Variants in SLIT3 observed in about 807,000 individuals in gnomAD.
SLIT3 encodes slit homolog 3 protein.
Under a neutral mutation model 184.0 loss-of-function variants are expected in SLIT3, and 68 were observed. The observed-to-expected ratio is 0.37, with a 90% confidence interval of 0.30 to 0.45. The LOEUF (loss-of-function observed/expected upper bound fraction) is 0.45. Among genes scored for constraint, SLIT3 ranks in the 20% least tolerant of loss-of-function variants. The pLI, the probability that SLIT3 is intolerant of heterozygous loss-of-function variation, is 1.00. For missense variants in SLIT3, 1,707 were observed against 2,026.0 expected, an observed-to-expected ratio of 0.84 and a Z score of 3.02; for synonymous variants, 831 against 828.6, an observed-to-expected ratio of 1.00 and a Z score of -0.05.
intron 5 of SLIT3, among the ~76,000 whole-genome samples, chr5:168,848,795 G>A (rs1018853366): frequency 2.0e-5 from 3 of 152,106 alleles, no homozygotes; most frequent in African/African-American, 4.8e-5. Context: ...CTCCGCAAAC[G>A]GCAGACTGGG....
chr5:169,121,521 A>G (rs986792004), intron 4 of SLIT3, among the ~76,000 whole-genome samples: 5 of 152,200 alleles, frequency 3.3e-5, no homozygotes, highest in African/African-American at 1.2e-4. Flanking sequence ...GAAGGGTTTC[A>G]CTTCCATAGT....
At chr5:169,087,218 AG>A (rs543334589) in intron 4 of SLIT3, among the ~76,000 whole-genome samples, 322 of 152,318 alleles carry the variant, frequency 2.1e-3, no homozygotes, top group Admixed American at 3.9e-3. Context: ...GGCATCCTGC[AG>A]GGGGTGGCTG....
intron 4 of SLIT3, among the ~76,000 whole-genome samples, chr5:168,921,460 A>C (rs1207975082): frequency 6.6e-6 from 1 of 152,244 alleles, no homozygotes; most frequent in Non-Finnish European, 1.5e-5. Context: ...TATATGCTTA[A>C]TTAAAATAAA....
At chr5:168,922,622 C>T (rs1358058970) in intron 4 of SLIT3, among the ~76,000 whole-genome samples, 1 of 152,190 alleles carries the variant, frequency 6.6e-6, no homozygotes, top group South Asian at 2.1e-4. Context: ...TGGTCTTCAA[C>T]TGCAGATGCT....
chr5:168,753,169 T>C (rs1754776649), intron 17 of SLIT3, 71 bp from the exon 18 acceptor site: 5 of 1,294,116 alleles, frequency 3.9e-6, no homozygotes, highest in Admixed American at 2.0e-5. Context: ...GCCACGGTGG[T>C]GTGTGTGTGT....
chr5:169,262,703 C>T (rs1766237170), intron 1 of SLIT3, among the ~76,000 whole-genome samples: 1 of 151,976 alleles, frequency 6.6e-6, no homozygotes, highest in African/African-American at 2.4e-5. Flanking sequence ...GAAGGGGGTT[C>T]TCATTACTGC....
At chr5:168,676,138 C>T (rs1307361662) in intron 32 of SLIT3, among the ~76,000 whole-genome samples, 1 of 150,406 alleles carries the variant, frequency 6.6e-6, no homozygotes. Flanking sequence ...TCTCTACCTA[C>T]CCACCTACTT....
chr5:168,704,547 T>C (rs900220998), intron 26 of SLIT3, among the ~76,000 whole-genome samples: 2 of 152,224 alleles, frequency 1.3e-5, no homozygotes, highest in African/African-American at 4.8e-5. Context: ...AGAGCTTGGG[T>C]AAATTATTTC....
intron 4 of SLIT3, among the ~76,000 whole-genome samples, chr5:169,038,518 G>A (rs993784282): frequency 3.3e-5 from 5 of 152,134 alleles, no homozygotes; most frequent in Non-Finnish European, 5.9e-5. Flanking sequence ...ATTAGGTAAC[G>A]AGTTGGCACC....
intron 3 of SLIT3, among the ~76,000 whole-genome samples, chr5:169,214,957 T>C (rs950573811): frequency 2.0e-5 from 3 of 152,178 alleles, no homozygotes; most frequent in Non-Finnish European, 4.4e-5. Flanking sequence ...GCTGCCATCT[T>C]CCCTCCGCAT....
At chr5:168,899,323 T>G (rs1760787015) in intron 4 of SLIT3, among the ~76,000 whole-genome samples, 1 of 152,062 alleles carries the variant, frequency 6.6e-6, no homozygotes, top group Admixed American at 6.6e-5. Context: ...CAAGACTAGC[T>G]TAGGTAACAC....
intron 35 of SLIT3, 132 bp downstream of exon 35, chr5:168,669,651 G>A: frequency 1.4e-6 from 1 of 694,750 alleles, no homozygotes; most frequent in Non-Finnish European, 2.5e-6. Context: ...AGGGAATTGA[G>A]GCTCAGAAAG....
chr5:169,170,712 GTTTTAAATATAGTCAGCTCAT>G (rs1308637369), intron 4 of SLIT3, among the ~76,000 whole-genome samples: 4 of 152,128 alleles, frequency 2.6e-5, no homozygotes, highest in Non-Finnish European at 4.4e-5. Context: ...AATCTCTCCA[GTTTTAAATATAGTCAGCTCAT>G]TTTTAAAAAA....
intron 20 of SLIT3, among the ~76,000 whole-genome samples, chr5:168,726,715 G>A (rs1027574114): frequency 6.6e-6 from 1 of 152,002 alleles, no homozygotes; most frequent in Non-Finnish European, 1.5e-5. Context: ...GCTCATGCCT[G>A]TAATCCCAAT....
At position 169,128,587 on chromosome 5, in the gene SLIT3, C is replaced by G. The variant is rs984177207; in HGVS notation, c.413+64892G>C. ...GGGATTACAGGCTCCCAACACCACG[C>G]CTGGCTAATGTTTTTGTATTTTTAG... On this transcript the variant is annotated intron_variant, in intron 4 of 35. Coordinates refer to ENST00000519560, the MANE Select transcript of SLIT3 (RefSeq NM_003062.4). Among the ~76,000 whole-genome samples the G allele has an allele frequency of 2.0e-5, 3 of 152,158 alleles. 1 individual carries two copies. The highest frequency in any genetic ancestry group is 7.2e-5 in the African/African-American group (3 of 41,510).
chr5:168,880,037 C>T (rs1286705964), intron 5 of SLIT3, among the ~76,000 whole-genome samples: 3 of 152,160 alleles, frequency 2.0e-5, no homozygotes, highest in Non-Finnish European at 4.4e-5. Context: ...TTTCCATGGC[C>T]TCTAGCAACT....
intron 5 of SLIT3, among the ~76,000 whole-genome samples, chr5:168,867,024 C>T (rs1307039697): frequency 2.0e-5 from 3 of 152,144 alleles, no homozygotes; most frequent in African/African-American, 4.8e-5. Context: ...GCATGCCAGT[C>T]GTTCTCAAAA....
intron 4 of SLIT3, among the ~76,000 whole-genome samples, chr5:169,136,874 G>A (rs1761521499): frequency 1.3e-5 from 2 of 152,084 alleles, no homozygotes; most frequent in African/African-American, 4.8e-5. Flanking sequence ...GCCACCCTAT[G>A]TGTTTCTTTT....
At chr5:168,689,107 C>T (rs1460661596) in intron 29 of SLIT3, among the ~76,000 whole-genome samples, 1 of 152,136 alleles carries the variant, frequency 6.6e-6, no homozygotes, top group Non-Finnish European at 1.5e-5. Context: ...GCATACAAAA[C>T]ACCCAGGGAT....
Sources: gnomAD v4.1 joint callset for allele counts (sites outside exome capture counted in the v4.1 genomes callset) on GRCh38, gnomAD v4.1.1 for gene constraint, MANE v1.5 for transcripts, NCBI Gene and HGNC (gene_info 2026-07-23, HGNC 2026-07-21) for gene names.